AUH: variants seen among roughly 807,000 people sequenced by gnomAD.
AUH encodes the protein AU RNA binding methylglutaconyl-CoA hydratase.
A neutral mutation model predicts 42.3 loss-of-function variants in AUH; 29 were observed. The observed-to-expected ratio is 0.69, with a 90% CI of 0.51 to 0.93. The LOEUF (loss-of-function observed/expected upper bound fraction) is 0.93, where lower values mean the gene tolerates loss of function less well. AUH is among the 40% of genes least tolerant of loss of function. The pLI is 0.00. For synonymous variants in AUH, 174 were observed against 166.4 expected, an observed-to-expected ratio of 1.05 and a Z score of -0.35; for missense variants, 452 against 438.1, an observed-to-expected ratio of 1.03 and a Z score of -0.28.
intron 6 of AUH, among the ~76,000 whole-genome samples, chr9:91,261,569 C>A (rs1829710816): frequency 6.6e-6 from 1 of 152,222 alleles, no homozygotes; most frequent in Non-Finnish European, 1.5e-5. Flanking sequence ...CCAACCAACT[C>A]AAGGTCACCC....
intron 6 of AUH, among the ~76,000 whole-genome samples, chr9:91,241,145 C>T (rs944602819): frequency 6.6e-6 from 1 of 152,170 alleles, no homozygotes; most frequent in Non-Finnish European, 1.5e-5. Flanking sequence ...ATCTTCCCAA[C>T]AGACTTCTGA....
intron 6 of AUH, among the ~76,000 whole-genome samples, chr9:91,286,312 T>C (rs1281611706): frequency 6.6e-6 from 1 of 152,080 alleles, no homozygotes; most frequent in Middle Eastern, 3.2e-3. Flanking sequence ...TGATGTACAG[T>C]AATGCCCCCA....
intron 3 of AUH, among the ~76,000 whole-genome samples, chr9:91,346,024 C>G (rs7042178): frequency 0.22 from 33,742 of 151,800 alleles, 3,957 homozygotes; most frequent in East Asian, 0.35. Flanking sequence ...AAAAATACTT[C>G]GTCGTTTTTA....
chr9:91,313,076 G>C (rs1038588120), intron 4 of AUH, among the ~76,000 whole-genome samples: 3 of 152,098 alleles, frequency 2.0e-5, no homozygotes, highest in African/African-American at 7.2e-5. Context: ...TTGCGGGGGG[G>C]GTTGTTTTTT....
intron 6 of AUH, among the ~76,000 whole-genome samples, chr9:91,237,248 A>G (rs1455399565): frequency 6.6e-6 from 1 of 152,192 alleles, no homozygotes; most frequent in African/African-American, 2.4e-5. Context: ...CAGGAGGGAG[A>G]GAGAGAGGCA....
intron 6 of AUH, among the ~76,000 whole-genome samples, chr9:91,268,629 C>T (rs936455688): frequency 2.4e-4 from 37 of 152,196 alleles, no homozygotes; most frequent in African/African-American, 8.4e-4. Context: ...GGGGTTTCAC[C>T]GTGTTGCCCA....
intron 3 of AUH, among the ~76,000 whole-genome samples, chr9:91,339,517 C>A (rs1225526086): frequency 6.6e-6 from 1 of 152,082 alleles, no homozygotes; most frequent in African/African-American, 2.4e-5. Flanking sequence ...ATGGAGGTAA[C>A]AATATAAACT....
At chr9:91,308,991 C>T (rs1174252616) in intron 4 of AUH, among the ~76,000 whole-genome samples, 1 of 151,754 alleles carries the variant, frequency 6.6e-6, no homozygotes, top group Admixed American at 6.5e-5. Flanking sequence ...GGGGTTTCAC[C>T]CTGTTGGCCA....
At chr9:91,357,009 G>A (rs935345502) in intron 1 of AUH, among the ~76,000 whole-genome samples, 2 of 152,172 alleles carry the variant, frequency 1.3e-5, no homozygotes, top group African/African-American at 2.4e-5. Flanking sequence ...ATGTACACAT[G>A]CCTTCGCTGT....
At chr9:91,289,504 C>A (rs1365402811) in intron 6 of AUH, among the ~76,000 whole-genome samples, 4 of 152,110 alleles carry the variant, frequency 2.6e-5, no homozygotes, top group Non-Finnish European at 2.9e-5. Context: ...TAATAGGAGG[C>A]AAGTGACGCA....
chr9:91,361,201 C>A (rs1222387095), intron 1 of AUH, among the ~76,000 whole-genome samples: 1 of 152,194 alleles, frequency 6.6e-6, no homozygotes, highest in Non-Finnish European at 1.5e-5. Context: ...TTAAGATTCT[C>A]CGTAATAATA....
chr9:91,221,124 A>T, intron 6 of AUH, 132 bp from the exon 7 acceptor site: 1 of 981,164 alleles, frequency 1.0e-6, no homozygotes, highest in Non-Finnish European at 1.5e-6. Flanking sequence ...TAGCTGGAAA[A>T]CTACTTCAGA....
At chr9:91,282,865 C>T (rs1275128914) in intron 6 of AUH, among the ~76,000 whole-genome samples, 1 of 152,098 alleles carries the variant, frequency 6.6e-6, no homozygotes, top group Non-Finnish European at 1.5e-5. Context: ...GGATTCACAG[C>T]CAAATTCTAC....
chr9:91,216,713 A>G (rs1564002888), intron 8 of AUH, among the ~76,000 whole-genome samples: 3 of 152,196 alleles, frequency 2.0e-5, no homozygotes, highest in South Asian at 2.1e-4. Context: ...CCAAAATATA[A>G]TAACTGCCAT....
intron 3 of AUH, among the ~76,000 whole-genome samples, chr9:91,342,229 C>T (rs1587899660): frequency 6.6e-6 from 1 of 152,208 alleles, no homozygotes. Flanking sequence ...CATTCCTTGG[C>T]TCATGGCCCC....
chr9:91,321,657 A>G (rs866856934), intron 4 of AUH, among the ~76,000 whole-genome samples: 10 of 152,212 alleles, frequency 6.6e-5, no homozygotes, highest in African/African-American at 2.4e-4. Flanking sequence ...AATGACATTC[A>G]AAGAAAAATC....
At chr9:91,251,321 T>C (rs997340582) in intron 6 of AUH, among the ~76,000 whole-genome samples, 6 of 152,230 alleles carry the variant, frequency 3.9e-5, no homozygotes, top group Admixed American at 6.5e-5. Context: ...CTGAAACTAA[T>C]CTTTCTCCAG....
At chr9:91,253,378 AAAT>A (rs748386066) in intron 6 of AUH, among the ~76,000 whole-genome samples, 9 of 152,200 alleles carry the variant, frequency 5.9e-5, no homozygotes, top group Non-Finnish European at 1.3e-4. Flanking sequence ...CTAAACTTGT[AAAT>A]AATATTTTTG....
intron 6 of AUH, among the ~76,000 whole-genome samples, chr9:91,248,122 A>G (rs1456093639): frequency 6.6e-6 from 1 of 152,112 alleles, no homozygotes; most frequent in Non-Finnish European, 1.5e-5. Context: ...TTTTCCCTGA[A>G]CTTTGTTCTA....
Sources: gnomAD v4.1 joint callset for allele counts (sites outside exome capture counted in the v4.1 genomes callset) on GRCh38, gnomAD v4.1.1 for gene constraint, MANE v1.5 for transcripts, NCBI Gene and HGNC (gene_info 2026-07-23, HGNC 2026-07-21) for gene names.